Variants in CEP152 observed in about 807,000 individuals in gnomAD.
The protein encoded by CEP152 is centrosomal protein 152.
A neutral mutation model predicts 188.9 loss-of-function variants in CEP152; 132 were observed. That is an observed-to-expected ratio of 0.70 (90% CI 0.61 to 0.81). The LOEUF is 0.81. Ranked by LOEUF, CEP152 falls within the 30% of genes least tolerant of loss-of-function variation. The probability of loss-of-function intolerance (pLI) is 0.00; values close to 1 mark genes in which losing one functional copy is unlikely to be tolerated. For synonymous variants in CEP152, 649 were observed against 666.6 expected (o/e 0.97, Z 0.41); for missense variants, 1,914 against 1,969.8 (o/e 0.97, Z 0.54).
chr15:48,782,421 G>C (rs1322364807), intron 10 of CEP152, among the ~76,000 whole-genome samples, 191 bp from the exon 11 acceptor site: 1 of 152,184 alleles, frequency 6.6e-6, no homozygotes, highest in Non-Finnish European at 1.5e-5. Context: ...CCCAGATTTA[G>C]TATGGCATCC....
chr15:48,756,321 T>A lies in CEP152; in HGVS notation c.2927A>T (p.Glu976Val). 1 of 1,574,638 alleles carries A rather than the reference T, an allele frequency of 6.4e-7. No individual in the cohort carries two copies. The highest frequency in any genetic ancestry group is 8.6e-7 in the Non-Finnish European group (1 of 1,164,076). The part of the protein sequence containing the change: ...EEIHRIQEQN[E>V]QDYRQFLDDH... ...ATCTAAAAATTGCCGGTAATCTTGC[T>A]CATTTTGTTCTTGGATTCTGTGGAT... is the stretch of plus-strand genomic sequence containing the variant. The change falls in exon 20 of 27, where the codon GAG becomes GTG. Residue 976 changes from glutamate (E) to valine (V), a missense_variant. Physicochemically the swap from Glu to Val is moderately radical, Grantham distance 121 (BLOSUM62 -2). Transcript: ENST00000380950.
chr15:48,755,627 G>A (rs1002519960), intron 20 of CEP152, among the ~76,000 whole-genome samples: 1 of 151,966 alleles, frequency 6.6e-6, no homozygotes, highest in African/African-American at 2.4e-5. Context: ...TTTAGGCCCC[G>A]CATGCATTAG....
intron 17 of CEP152, among the ~76,000 whole-genome samples, chr15:48,766,493 G>T (rs184926889): frequency 6.6e-6 from 1 of 152,260 alleles, no homozygotes; most frequent in East Asian, 1.9e-4. Context: ...GGCAGAGTTG[G>T]AGAATCTACT....
intron 8 of CEP152, 196 bp from the exon 9 acceptor site, chr15:48,789,197 T>G (rs1567020802): frequency 3.3e-6 from 2 of 607,038 alleles, no homozygotes; most frequent in East Asian, 2.8e-5. Flanking sequence ...CCCATAGTTG[T>G]TGGAAACAAT....
chr15:48,763,823 G>A (rs1391960038), intron 17 of CEP152, among the ~76,000 whole-genome samples: 2 of 152,132 alleles, frequency 1.3e-5, no homozygotes, highest in African/African-American at 2.4e-5. Context: ...AAGTAATAGA[G>A]GTAACAAATT....
chr15:48,767,119 C>T lies in CEP152; in HGVS notation c.2221G>A (p.Asp741Asn). The change falls in exon 17 of 27, where the codon GAT (aspartate) becomes AAT (asparagine). Residue 741 changes from aspartate to asparagine, a missense_variant. Physicochemically the swap from Asp to Asn is conservative, Grantham distance 23. Coordinates refer to ENST00000380950, the MANE Select transcript of CEP152 (RefSeq NM_001194998.2). ...TTCCTGAGAGTCAATTCTAGATTAT[C>T]CTTCTCTCTGCACACTTCTAGGTAA... ...ECYLEVCREK[D>N]NLELTLRKTT... 6.2e-7 allele frequency: 1 copy of T among 1,613,630 alleles called. No individual in the cohort carries two copies. The highest frequency in any genetic ancestry group is 8.5e-7 in the Non-Finnish European group (1 of 1,179,990).
At chr15:48,783,161 A>G (rs1896375629) in intron 10 of CEP152, 1 of 152,234 alleles carries the variant, frequency 6.6e-6, no homozygotes, top group African/African-American at 2.4e-5. Context: ...ACCAGCAAAC[A>G]GGGAAGTTTT....
rs1374782551 is a variant in CEP152, at chr15:48,739,291, A to G, written c.4094-3T>C. ...CATCTCTGAAGTTAGGGGCAGTGCT[A>G]TTATGTGCAAGGAAACACGAAATTA... On this transcript the variant is annotated splice_region_variant and splice_polypyrimidine_tract_variant and intron_variant, in intron 26 of 26. Coordinates refer to ENST00000380950, the MANE Select transcript of CEP152 (RefSeq NM_001194998.2). 1.2e-6 allele frequency: 2 copies of G among 1,609,898 alleles called. No homozygotes were observed. Among genetic ancestry groups the G allele is most frequent in the Non-Finnish European group, 1.7e-6 (2 of 1,179,042 alleles).
intron 1 of CEP152, among the ~76,000 whole-genome samples, chr15:48,807,543 C>T (rs2140939794): frequency 7.5e-6 from 1 of 133,216 alleles, no homozygotes; most frequent in East Asian, 2.2e-4. Context: ...GCCTGGGCGA[C>T]AGAGCGAGAC....
At chr15:48,780,639 C>G (rs1286128208) in intron 12 of CEP152, among the ~76,000 whole-genome samples, 1 of 152,220 alleles carries the variant, frequency 6.6e-6, no homozygotes, top group African/African-American at 2.4e-5. Flanking sequence ...TCTTCCCTAT[C>G]CAAAACCAGT....
chr15:48,731,479 C>T (rs1892420524), intron 2 of CEP152, among the ~76,000 whole-genome samples: 1 of 152,038 alleles, frequency 6.6e-6, no homozygotes, highest in Admixed American at 6.5e-5. Flanking sequence ...AACTGGCTAG[C>T]CATATGCAGA....
In CEP152 at chr15:48,756,121, C is replaced by T; in HGVS notation, c.3127G>A (p.Glu1043Lys). The part of the protein sequence containing the change: ...KRIQLEIYQY[E>K]EDILTVLGVL... The stretch of plus-strand genomic sequence containing the variant: ...CCAAGTACAGTCAGGATGTCTTCCT[C>T]ATACTGATAGATTTCCAGTTGGATC... Residue 1043 changes from glutamate to lysine, a missense_variant, in exon 20 of 27, where the codon GAG becomes AAG. Glu to Lys is a moderately conservative substitution (Grantham distance 56). Coordinates refer to ENST00000380950, the MANE Select transcript of CEP152 (RefSeq NM_001194998.2). The T allele has an allele frequency of 6.2e-7, 1 of 1,614,154 alleles. No homozygotes were observed. The highest frequency in any genetic ancestry group is 1.1e-5 in the South Asian group (1 of 91,078).
intron 12 of CEP152, among the ~76,000 whole-genome samples, chr15:48,777,203 C>G (rs1167847235): frequency 6.6e-6 from 1 of 151,664 alleles, no homozygotes; most frequent in Admixed American, 6.6e-5. Context: ...GTAAATAAAC[C>G]CTGGATGTTA....
At chr15:48,797,043 C>G (rs1007798385) in intron 5 of CEP152, among the ~76,000 whole-genome samples, 1 of 152,216 alleles carries the variant, frequency 6.6e-6, no homozygotes, top group Non-Finnish European at 1.5e-5. Flanking sequence ...CTTTGGCAGA[C>G]TTAACTTTTA....
In CEP152 at chr15:48,748,554, G is replaced by T. The variant is rs767248208; in HGVS notation, c.3523C>A (p.Leu1175Ile). Residue 1175 changes from leucine (L) to isoleucine (I), a missense_variant, in exon 22 of 27, where the codon CTT (leucine) becomes ATT (isoleucine). Coordinates refer to ENST00000380950, the MANE Select transcript of CEP152 (RefSeq NM_001194998.2). ...DLCCGHCFQE[L>I]EKAKQECQDL... The stretch of plus-strand genomic sequence containing the variant: ...TGACATTCCTGCTTTGCCTTTTCAA[G>T]TTCTTGGAAGCAGTGTCCACAGCAT... The T allele has an allele frequency of 2.0e-6, 3 of 1,533,168 alleles. No individual in the cohort carries two copies. The highest frequency in any genetic ancestry group is 1.7e-6 in the Non-Finnish European group (2 of 1,145,546). The allele number at this position is 1,533,168 out of a possible 1,614,324, so 95.0% of individuals were successfully genotyped here.
rs530342249 is a variant in CEP152, at chr15:48,763,835, T to A, written c.2281-1163A>T. Among the ~76,000 whole-genome samples, 11 of 152,342 alleles carry A rather than the reference T, an allele frequency of 7.2e-5. No individual in the cohort carries two copies. The South Asian group carries it at 2.3e-3, about 32-fold the overall frequency. ...TTTAAGTAATAGAGGTAACAAATTA[T>A]GGGCTTCTGAGACTGCCCATTACTT... On this transcript the variant is annotated intron_variant, in intron 17 of 26. Coordinates refer to ENST00000380950, the MANE Select transcript of CEP152 (RefSeq NM_001194998.2).
chr15:48,731,064 T>C lies in CEP152; in HGVS notation c.142+10567A>G, dbSNP rs182904360. On this transcript the variant is annotated intron_variant and NMD_transcript_variant, in intron 2 of 3. Transcript: ENST00000561245. ...AAGTCACAAAAGGACAAATACTGCA[T>C]GATTTCACTTACATGAGATTTCTAA... 2.4e-4 allele frequency among the ~76,000 whole-genome samples: 37 copies of C among 152,348 alleles called. 1 individual carries two copies. The East Asian group carries it at 6.9e-3, about 29-fold the overall frequency.
intron 15 of CEP152, 103 bp downstream of exon 15, chr15:48,768,116 A>C (rs1895258035): frequency 1.3e-6 from 1 of 753,824 alleles, no homozygotes; most frequent in South Asian, 1.4e-5. Context: ...AACAGGGTAG[A>C]AATCACTCAA....
Position 48,744,241 on chromosome 15 carries a change from T to C in CEP152, c.3834A>G (p.Lys1278=). The C allele has an allele frequency of 1.2e-6, 2 of 1,613,994 alleles. No homozygotes were observed. The highest frequency in any genetic ancestry group is 1.7e-6 in the Non-Finnish European group (2 of 1,179,956). ...GQYIKAVKKI[K]CDMLRYIQES... ...TAAAATCTTCAGAATTAAACTTACATTTAATTTTTTTTACAGCTTTAATGT... is the reference window on the plus strand; with the variant it reads ...TAAAATCTTCAGAATTAAACTTACACTTAATTTTTTTTACAGCTTTAATGT... The change falls in exon 24 of 27, where the codon AAA becomes AAG. Residue 1278 remains lysine (K), a splice_region_variant and synonymous_variant. Coordinates refer to ENST00000380950, the MANE Select transcript of CEP152 (RefSeq NM_001194998.2).
Sources: gnomAD v4.1 joint callset for allele counts (sites outside exome capture counted in the v4.1 genomes callset) on GRCh38, gnomAD v4.1.1 for gene constraint, MANE v1.5 for transcripts, NCBI Gene and HGNC (gene_info 2026-07-23, HGNC 2026-07-21) for gene names.